Variants in IFI27 observed in about 807,000 individuals in gnomAD.
IFI27 encodes the protein interferon alpha inducible protein 27.
A neutral mutation model predicts 8.9 loss-of-function variants in IFI27; 3 were observed. That is an observed-to-expected ratio of 0.34 (90% confidence interval 0.15 to 0.87). The LOEUF (loss-of-function observed/expected upper bound fraction) is 0.87. Ranked by LOEUF, IFI27 falls within the 40% of genes least tolerant of loss-of-function variation. The probability of loss-of-function intolerance (pLI) is 0.51; values close to 1 mark genes in which losing one functional copy is unlikely to be tolerated. For synonymous variants in IFI27, 66 were observed against 67.3 expected (o/e 0.98, Z 0.09); for missense variants, 152 against 157.7 (o/e 0.96, Z 0.19).
chr14:94,116,680 A>G lies in IFI27; in HGVS notation c.*153A>G. The G allele has an allele frequency of 3.1e-6, 2 of 643,880 alleles. No individual in the cohort carries two copies. Among genetic ancestry groups the G allele is most frequent in the Non-Finnish European group, 5.6e-6 (2 of 359,856 alleles). The allele number at this position is 643,880 out of a possible 1,614,324, so 39.9% of individuals were successfully genotyped here. A position where few individuals can be genotyped will look rare whatever the true frequency, so the allele number is the denominator to read the frequency against. Reference sequence around the variant, plus strand: ...CAGAGGAAAATAAGAAATAAAGATGAATTGTTGCAACTCTTCCCAGAATCT... The same window carrying G: ...CAGAGGAAAATAAGAAATAAAGATGGATTGTTGCAACTCTTCCCAGAATCT... On this transcript the variant is annotated 3_prime_UTR_variant, in exon 5 of 5. Coordinates refer to ENST00000621160, the Ensembl canonical transcript of IFI27. This position sits in a 1 kb window ranked among gnomAD's most constrained non-coding sequence, Gnocchi z 4.3.
Position 94,111,867 on chromosome 14 carries a change from G to A in IFI27, c.91+94G>A. On this transcript the variant is annotated intron_variant, in intron 2 of 4. Transcript: ENST00000621160. This position sits in a 1 kb window ranked among gnomAD's most constrained non-coding sequence, Gnocchi z 4.3. The stretch of plus-strand genomic sequence containing the variant: ...CGGGACCCGTGGGAGAGAAAATGGG[G>A]GACACCCGCAGCCTTGCTGCCCTGT... The A allele has an allele frequency of 3.1e-6, 3 of 963,356 alleles. No individual in the cohort carries two copies. Among genetic ancestry groups the A allele is most frequent in the Non-Finnish European group, 5.0e-6 (3 of 594,160 alleles). 59.7% of individuals were successfully genotyped at this position (963,356 alleles called of 1,614,324 possible). A position where few individuals can be genotyped will look rare whatever the true frequency, so the allele number is the denominator to read the frequency against.
intron 2 of IFI27, among the ~76,000 whole-genome samples, chr14:94,112,427 G>A (rs1434568143): frequency 2.0e-5 from 3 of 152,154 alleles, no homozygotes; most frequent in African/African-American, 4.8e-5. Flanking sequence ...TTTCCACACT[G>A]AGAACCATAT....
chr14:94,113,337 A>G (rs1186910242), intron 2 of IFI27: 3 of 152,202 alleles, frequency 2.0e-5, no homozygotes, highest in African/African-American at 7.2e-5. Context: ...CCCTGTCTCT[A>G]CCAAAAATAC....
At chr14:94,106,387 T>A (rs1887015301), upstream of IFI27, among the ~76,000 whole-genome samples, 1 of 152,226 alleles carries the variant, frequency 6.6e-6, no homozygotes, top group South Asian at 2.1e-4. Flanking sequence ...TTTAAGGAAC[T>A]TCCCTACTGT....
At chr14:94,109,299 TAAAA>T (rs566567719), upstream of IFI27, among the ~76,000 whole-genome samples, 3 of 17,496 alleles carry the variant, frequency 1.7e-4, no homozygotes, top group African/African-American at 2.1e-4. Flanking sequence ...CAAAACTCCA[TAAAA>T]AAAAAAAAGA....
At chr14:94,114,928 G>T in intron 3 of IFI27, 48 bp downstream of exon 3, 1 of 1,576,718 alleles carries the variant, frequency 6.3e-7, no homozygotes, top group Non-Finnish European at 8.7e-7. Flanking sequence ...CCCTAGGGAG[G>T]TGGACTTGGG....
In IFI27 at chr14:94,116,503, G is replaced by A. The variant is rs776888846; in HGVS notation, c.345G>A (p.Ala115=). ...TGGGCTCCATTGGGTCTGCCATTGC[G>A]GCTGTCATTGCGAGGTTCTACTAGC... The change falls in exon 5 of 5, where the codon GCG becomes GCA. Residue 115 remains alanine (A), a synonymous_variant. Transcript: ENST00000621160. This position sits in a 1 kb window ranked among gnomAD's most constrained non-coding sequence, Gnocchi z 4.3. 5.6e-6 allele frequency: 9 copies of A among 1,613,294 alleles called. No individual in the cohort carries two copies. The highest frequency in any genetic ancestry group is 2.2e-5 in the East Asian group (1 of 44,868).
chr14:94,115,943 G>C lies in IFI27; in HGVS notation c.283+1G>C, dbSNP rs1308156205. 6.4e-7 allele frequency: 1 copy of C among 1,574,286 alleles called. No individual in the cohort carries two copies. The highest frequency in any genetic ancestry group is 1.2e-5 in the South Asian group (1 of 86,194). ...CTTGTGGCTACTCTGCAGTCACTGG[G>C]TAAGTATCCTGGCGGGGCTTGCTGG... On this transcript the variant is annotated splice_donor_variant, in intron 4 of 4. Coordinates refer to ENST00000621160, the Ensembl canonical transcript of IFI27. LOFTEE classifies it high-confidence loss of function.
upstream of IFI27, among the ~76,000 whole-genome samples, chr14:94,107,243 G>A (rs1887029152): frequency 1.3e-5 from 2 of 152,054 alleles, no homozygotes; most frequent in Non-Finnish European, 1.5e-5. Flanking sequence ...CTAATCTTTT[G>A]TAGTTTTAAT....
chr14:94,111,574 C>CA lies in IFI27; in HGVS notation c.-58-49dup, dbSNP rs1278770298. 11 of 853,880 alleles carry CA rather than the reference C, an allele frequency of 1.3e-5. No individual in the cohort carries two copies. The African/African-American group carries it at 1.5e-4, about 12-fold the overall frequency. 52.9% of individuals were successfully genotyped at this position (853,880 alleles called of 1,614,324 possible). On this transcript the variant is annotated intron_variant, in intron 1 of 4. Coordinates refer to ENST00000621160, the Ensembl canonical transcript of IFI27. The surrounding 1 kb of genome is among the most constrained non-coding windows in gnomAD (Gnocchi z 4.3). ...TCACATTTTTCAGGACAGTGGGAAG[C>CA]AAGTCAGGTTGTGTGCCCATCCCGT... is the stretch of plus-strand genomic sequence containing the variant.
chr14:94,115,956 CG>C lies in IFI27; in HGVS notation c.283+18del. 1 of 1,562,238 alleles carries C rather than the reference CG, an allele frequency of 6.4e-7. No individual in the cohort carries two copies. The highest frequency in any genetic ancestry group is 2.4e-5 in the East Asian group (1 of 42,084). ...TGCAGTCACTGGGTAAGTATCCTGG[CG>C]GGGCTTGCTGGGGAGGGCGATGAGG... is the stretch of plus-strand genomic sequence containing the variant. On this transcript the variant is annotated intron_variant, in intron 4 of 4. Coordinates refer to ENST00000621160, the Ensembl canonical transcript of IFI27.
rs1887185859 is a variant in IFI27, at chr14:94,111,590, C to A, written c.-58-35C>A. ...AGTGGGAAGCAAGTCAGGTTGTGTG[C>A]CCATCCCGTCCTCAGAGCTCCATCC... On this transcript the variant is annotated intron_variant, in intron 1 of 4. Transcript: ENST00000621160. The surrounding 1 kb of genome is among the most constrained non-coding windows in gnomAD (Gnocchi z 4.3). The A allele has an allele frequency of 4.0e-6, 4 of 1,005,844 alleles. No individual in the cohort carries two copies. Among genetic ancestry groups the A allele is most frequent in the Non-Finnish European group, 6.3e-6 (4 of 636,708 alleles). 62.3% of individuals were successfully genotyped at this position (1,005,844 alleles called of 1,614,324 possible).
At position 94,111,824 on chromosome 14, in the gene IFI27, A is replaced by C; in HGVS notation, c.91+51A>C. On this transcript the variant is annotated intron_variant, in intron 2 of 4. Transcript: ENST00000621160. This position sits in a 1 kb window ranked among gnomAD's most constrained non-coding sequence, Gnocchi z 4.3. The stretch of plus-strand genomic sequence containing the variant: ...GCTGGGGGCGAGGAGGCGGCTGGGA[A>C]GGGCGGGGGTCCTGTCCCGGGACCC... 1.5e-6 allele frequency: 2 copies of C among 1,371,430 alleles called. No homozygotes were observed. The highest frequency in any genetic ancestry group is 2.1e-6 in the Non-Finnish European group (2 of 959,262). 85.0% of individuals were successfully genotyped at this position (1,371,430 alleles called of 1,614,324 possible). A position where few individuals can be genotyped will look rare whatever the true frequency, so the allele number is the denominator to read the frequency against.
upstream of IFI27, among the ~76,000 whole-genome samples, chr14:94,106,819 G>A (rs562148779): frequency 6.1e-4 from 93 of 152,242 alleles, 1 homozygote; most frequent in African/African-American, 2.2e-3. Flanking sequence ...AGGAAGGCAG[G>A]AGGTGCCAGG....
At chr14:94,110,011 G>T (rs974633040), upstream of IFI27, among the ~76,000 whole-genome samples, 1 of 152,136 alleles carries the variant, frequency 6.6e-6, no homozygotes, top group Non-Finnish European at 1.5e-5. Flanking sequence ...GCCTCACAGG[G>T]CCTGGATCCC....
chr14:94,109,813 CAT>C (rs577889864), upstream of IFI27, among the ~76,000 whole-genome samples: 141 of 152,356 alleles, frequency 9.3e-4, no homozygotes, highest in Non-Finnish European at 1.7e-3. Context: ...GCACACTACT[CAT>C]GTGGAAGATT....
chr14:94,109,356 G>A (rs1431502692), upstream of IFI27, among the ~76,000 whole-genome samples: 51 of 151,314 alleles, frequency 3.4e-4, no homozygotes, highest in East Asian at 7.4e-3. Flanking sequence ...GGAAGGGCAG[G>A]GAAGGGCAGA....
At chr14:94,107,061 A>G (rs1259918323), upstream of IFI27, among the ~76,000 whole-genome samples, 1 of 151,884 alleles carries the variant, frequency 6.6e-6, no homozygotes, top group East Asian at 1.9e-4. Context: ...ATTTATATAT[A>G]TCATTTATTA....
upstream of IFI27, among the ~76,000 whole-genome samples, chr14:94,109,718 T>C (rs886945900): frequency 3.3e-5 from 5 of 152,240 alleles, no homozygotes; most frequent in Non-Finnish European, 5.9e-5. Context: ...AGCCTCATCT[T>C]GCGTGAGAGC....
Sources: gnomAD v4.1 joint callset for allele counts (sites outside exome capture counted in the v4.1 genomes callset) on GRCh38, gnomAD v4.1.1 for gene constraint, Gnocchi (gnomAD v3.1) non-coding constraint, MANE v1.5 for transcripts, NCBI Gene and HGNC (gene_info 2026-07-23, HGNC 2026-07-21) for gene names.